Variants in FANCC observed in about 807,000 individuals in gnomAD.
FANCC encodes the protein FA complementation group C, also known as Fanconi anemia group C protein.
In FANCC, 55 loss-of-function variants were observed where a neutral mutation model predicts 71.3. The ratio of observed to expected loss-of-function variants is 0.77; its 90% CI spans 0.62 to 0.97. The LOEUF (loss-of-function observed/expected upper bound fraction) is 0.97. Ranked by LOEUF, FANCC falls within the 50% of genes least tolerant of loss-of-function variation. The pLI is 0.00. For missense variants in FANCC, 678 were observed against 670.9 expected (o/e 1.01, Z -0.12); for synonymous variants, 275 against 244.9 (o/e 1.12, Z -1.15).
At chr9:95,254,659 G>C (rs1335052725) in intron 1 of FANCC, among the ~76,000 whole-genome samples, 1 of 152,180 alleles carries the variant, frequency 6.6e-6, no homozygotes, top group Non-Finnish European at 1.5e-5. Flanking sequence ...CGGCCATTTG[G>C]GCAGACACCG....
At chr9:95,185,618 T>C (rs1410469388) in intron 4 of FANCC, among the ~76,000 whole-genome samples, 1 of 152,200 alleles carries the variant, frequency 6.6e-6, no homozygotes, top group Non-Finnish European at 1.5e-5. Context: ...ATCACTCTTA[T>C]TAGGGCACGA....
At chr9:95,268,451 G>C (rs1193708748) in intron 1 of FANCC, among the ~76,000 whole-genome samples, 1 of 152,202 alleles carries the variant, frequency 6.6e-6, no homozygotes, top group Non-Finnish European at 1.5e-5. Context: ...GCTTTCACCT[G>C]TATTCCTTCA....
intron 4 of FANCC, among the ~76,000 whole-genome samples, chr9:95,183,319 T>C (rs1273576851): frequency 6.6e-6 from 1 of 152,228 alleles, no homozygotes; most frequent in Non-Finnish European, 1.5e-5. Context: ...CCTGCTCTCC[T>C]CTGTCCACCG....
chr9:95,135,785 G>A (rs1340849142), intron 7 of FANCC, among the ~76,000 whole-genome samples: 1 of 152,182 alleles, frequency 6.6e-6, no homozygotes, highest in Non-Finnish European at 1.5e-5. Flanking sequence ...GAAGAAAGAG[G>A]GAGCGATAAA....
chr9:95,109,086 T>G (rs1588038207), intron 13 of FANCC, among the ~76,000 whole-genome samples: 3 of 152,206 alleles, frequency 2.0e-5, no homozygotes, highest in African/African-American at 7.2e-5. Flanking sequence ...ATTTCTTTAT[T>G]TATTTTTTTG....
intron 4 of FANCC, among the ~76,000 whole-genome samples, chr9:95,207,102 T>C (rs557487894): frequency 1.3e-5 from 2 of 152,180 alleles, no homozygotes; most frequent in East Asian, 1.9e-4. Context: ...AGCCAGAAAT[T>C]GGCAGCCCAG....
intron 6 of FANCC, among the ~76,000 whole-genome samples, chr9:95,154,841 A>G (rs1290389152): frequency 6.6e-6 from 1 of 152,182 alleles, no homozygotes; most frequent in Non-Finnish European, 1.5e-5. Context: ...CAGTTTTTCC[A>G]TGACATAAGT....
chr9:95,175,857 C>T (rs976485788), intron 4 of FANCC, among the ~76,000 whole-genome samples: 8 of 152,170 alleles, frequency 5.3e-5, no homozygotes, highest in African/African-American at 9.7e-5. Flanking sequence ...CAAATCCACG[C>T]GGAGGTGTCC....
At chr9:95,301,485 T>C (rs1834730175) in intron 1 of FANCC, among the ~76,000 whole-genome samples, 1 of 152,020 alleles carries the variant, frequency 6.6e-6, no homozygotes. Context: ...TGGAGTGCAG[T>C]GGCATGACTG....
intron 12 of FANCC, among the ~76,000 whole-genome samples, chr9:95,113,344 A>G (rs1564650470): frequency 6.6e-6 from 1 of 152,226 alleles, no homozygotes; most frequent in East Asian, 1.9e-4. Context: ...AAAGGAACAA[A>G]TAAGATAGTC....
chr9:95,234,175 G>C (rs1043990963), intron 4 of FANCC, among the ~76,000 whole-genome samples: 8 of 152,154 alleles, frequency 5.3e-5, no homozygotes, highest in African/African-American at 1.9e-4. Context: ...CGAATCATCA[G>C]CCTCATTAAA....
At chr9:95,230,247 G>A (rs911596972) in intron 4 of FANCC, among the ~76,000 whole-genome samples, 3 of 152,142 alleles carry the variant, frequency 2.0e-5, no homozygotes, top group Non-Finnish European at 2.9e-5. Flanking sequence ...GGTGTAGTGC[G>A]GCTGCAGTGC....
At chr9:95,123,849 C>G in intron 10 of FANCC, 1 of 629,784 alleles carries the variant, frequency 1.6e-6, no homozygotes, top group South Asian at 1.4e-5. Flanking sequence ...GCCCCACAAC[C>G]CCCACCAAAG....
At chr9:95,284,409 C>G (rs994036708) in intron 1 of FANCC, among the ~76,000 whole-genome samples, 1 of 152,118 alleles carries the variant, frequency 6.6e-6, no homozygotes, top group Non-Finnish European at 1.5e-5. Flanking sequence ...AACACTAGTA[C>G]GCAACAAAAT....
intron 4 of FANCC, among the ~76,000 whole-genome samples, chr9:95,191,780 C>T (rs900739389): frequency 6.6e-6 from 1 of 152,054 alleles, no homozygotes; most frequent in Admixed American, 6.5e-5. Context: ...ATCCTCCATA[C>T]GCAGCCCATC....
intron 4 of FANCC, among the ~76,000 whole-genome samples, chr9:95,195,182 G>C (rs1827361207): frequency 8.7e-6 from 1 of 115,086 alleles, no homozygotes; most frequent in South Asian, 3.3e-4. Context: ...TGGCAACAGA[G>C]TGAGACTCCG....
chr9:95,150,624 C>T (rs979665117), intron 6 of FANCC, among the ~76,000 whole-genome samples: 7 of 152,162 alleles, frequency 4.6e-5, no homozygotes, highest in Non-Finnish European at 8.8e-5. Context: ...GTTCCAGCAC[C>T]CCTTTAAAAA....
chr9:95,272,333 A>C (rs1017411286), intron 1 of FANCC, among the ~76,000 whole-genome samples: 1 of 152,164 alleles, frequency 6.6e-6, no homozygotes, highest in Non-Finnish European at 1.5e-5. Context: ...TACTAATAAA[A>C]AGTTTTCATT....
At chr9:95,236,712 T>C (rs1216161595) in intron 4 of FANCC, among the ~76,000 whole-genome samples, 2 of 152,244 alleles carry the variant, frequency 1.3e-5, no homozygotes, top group Non-Finnish European at 2.9e-5. Context: ...ATCATACTTG[T>C]AATGCTCCAG....
Sources: gnomAD v4.1 joint callset for allele counts (sites outside exome capture counted in the v4.1 genomes callset) on GRCh38, gnomAD v4.1.1 for gene constraint, MANE v1.5 for transcripts, NCBI Gene and HGNC (gene_info 2026-07-23, HGNC 2026-07-21) for gene names.